The following SAMD4A variants were observed in gnomAD, a reference collection of about 807,000 sequenced individuals.
The protein encoded by SAMD4A is protein Smaug homolog 1.
A neutral mutation model predicts 81.3 loss-of-function variants in SAMD4A; 33 were observed. The ratio of observed to expected loss-of-function variants is 0.41; its 90% CI spans 0.31 to 0.54. SAMD4A has a LOEUF of 0.54. SAMD4A is among the 20% of genes least tolerant of loss of function. SAMD4A has a pLI of 0.37. For missense variants in SAMD4A, 854 were observed against 951.1 expected, an observed-to-expected ratio of 0.90 and a Z score of 1.34; for synonymous variants, 389 against 382.1, an observed-to-expected ratio of 1.02 and a Z score of -0.21.
rs1035980091 is a variant in SAMD4A at position 54,640,745 on chromosome 14, C to T, written c.197-61317C>T. Reference sequence around the variant, plus strand: ...TTGTCACAGCAGCAGGTCCTGCCTCCGAGAATGAGAACATTGCTGATTAGT... The same window carrying T: ...TTGTCACAGCAGCAGGTCCTGCCTCTGAGAATGAGAACATTGCTGATTAGT... On this transcript the variant is annotated intron_variant, in intron 2 of 12. Transcript: ENST00000554335. Among the ~76,000 whole-genome samples the T allele has an allele frequency of 6.6e-5, 10 of 152,118 alleles. No homozygotes were observed. In the East Asian group the frequency reaches 1.9e-3, roughly 29 times the overall value.
chr14:54,785,481 G>A (rs532332652), intron 12 of SAMD4A, among the ~76,000 whole-genome samples: 14 of 152,350 alleles, frequency 9.2e-5, no homozygotes, highest in African/African-American at 2.6e-4. Flanking sequence ...GTGCCACAGA[G>A]ACACAGAGAG....
chr14:54,784,259 G>A (rs1046294232), intron 11 of SAMD4A: 28 of 1,131,320 alleles, frequency 2.5e-5, no homozygotes, highest in Non-Finnish European at 2.9e-5. Flanking sequence ...TTACTTTGAT[G>A]GGAGGCCGCT....
intron 2 of SAMD4A, among the ~76,000 whole-genome samples, chr14:54,611,505 G>A (rs527443025): frequency 1.3e-5 from 2 of 152,286 alleles, no homozygotes; most frequent in East Asian, 1.9e-4. Context: ...CTCCATTGTG[G>A]CCTCTGGAAT....
chr14:54,776,812 C>T (rs1387192365), intron 11 of SAMD4A, among the ~76,000 whole-genome samples: 1 of 151,906 alleles, frequency 6.6e-6, no homozygotes. Context: ...AGAGATAGCA[C>T]AAGAGGGCTT....
Position 54,568,138 on chromosome 14 carries a change from C to G in SAMD4A, c.196+26C>G, listed in dbSNP as rs1415775815. ...GTAAGTGTGCGGCGGCCGCCGCCGC[C>G]GTCCCGCCTGCCCAACCCCCGCTCC... On this transcript the variant is annotated intron_variant, in intron 2 of 12. Coordinates refer to ENST00000554335, the MANE Select transcript of SAMD4A (RefSeq NM_015589.6). 11 of 1,448,904 alleles carry G rather than the reference C, an allele frequency of 7.6e-6. No individual in the cohort carries two copies. In the East Asian group the frequency reaches 8.5e-5, roughly 11 times the overall value. 89.8% of individuals were successfully genotyped at this position (1,448,904 alleles called of 1,614,324 possible).
chr14:54,670,130 TCTGC>T (rs2035848475), intron 2 of SAMD4A, among the ~76,000 whole-genome samples: 1 of 152,184 alleles, frequency 6.6e-6, no homozygotes, highest in African/African-American at 2.4e-5. Flanking sequence ...TAGTTCTCGC[TCTGC>T]CTGTCTGACC....
chr14:54,776,324 G>A (rs1402948907), intron 10 of SAMD4A, 90 bp from the exon 11 acceptor site: 3 of 1,390,892 alleles, frequency 2.2e-6, no homozygotes, highest in Non-Finnish European at 2.9e-6. Context: ...GTTCTCCTGG[G>A]ATCTTTGCCT....
chr14:54,611,286 C>T (rs910857583), intron 2 of SAMD4A, among the ~76,000 whole-genome samples: 4 of 152,064 alleles, frequency 2.6e-5, no homozygotes, highest in Admixed American at 2.0e-4. Flanking sequence ...GAGCATATTC[C>T]CTCTTTCCCC....
intron 2 of SAMD4A, among the ~76,000 whole-genome samples, chr14:54,624,136 G>A (rs1401535426): frequency 6.6e-6 from 1 of 152,128 alleles, no homozygotes; most frequent in Non-Finnish European, 1.5e-5. Flanking sequence ...CACCGCGCCC[G>A]TCTAATTTTT....
At chr14:54,661,200 C>T (rs931933764) in intron 2 of SAMD4A, among the ~76,000 whole-genome samples, 1 of 152,208 alleles carries the variant, frequency 6.6e-6, no homozygotes, top group Non-Finnish European at 1.5e-5. Flanking sequence ...ATTCAAATCT[C>T]ATCTTTTGGT....
chr14:54,652,213 T>C (rs1282658627), intron 2 of SAMD4A, among the ~76,000 whole-genome samples: 1 of 152,266 alleles, frequency 6.6e-6, no homozygotes, highest in Non-Finnish European at 1.5e-5. Flanking sequence ...TGCATTTGTG[T>C]GTTTCCTGGC....
At chr14:54,731,050 T>G (rs1296952799) in intron 3 of SAMD4A, among the ~76,000 whole-genome samples, 1 of 152,228 alleles carries the variant, frequency 6.6e-6, no homozygotes, top group Admixed American at 6.5e-5. Flanking sequence ...TTAGTGGTTC[T>G]TAGATGCTCT....
intron 11 of SAMD4A, among the ~76,000 whole-genome samples, chr14:54,778,170 C>T (rs1379017692): frequency 5.3e-5 from 8 of 152,184 alleles, no homozygotes; most frequent in Non-Finnish European, 1.2e-4. Flanking sequence ...GATTTTTTCC[C>T]TTCCTGCCAC....
At chr14:54,724,007 T>TGGATGGATGGAAGGAAGAAGGAA (rs1555347506) in intron 3 of SAMD4A, among the ~76,000 whole-genome samples, 1 of 124,176 alleles carries the variant, frequency 8.1e-6, no homozygotes, top group Non-Finnish European at 1.7e-5. Flanking sequence ...GATGGATGGA[T>TGGATGGATGGAAGGAAGAAGGAA]GGAAGGAAGG....
intron 2 of SAMD4A, among the ~76,000 whole-genome samples, chr14:54,573,787 AC>A (rs2033204962): frequency 6.6e-6 from 1 of 152,176 alleles, no homozygotes; most frequent in Non-Finnish European, 1.5e-5. Flanking sequence ...AGAAAGCAGA[AC>A]TTTTAGAACA....
chr14:54,724,337 G>A (rs149399021), intron 3 of SAMD4A, among the ~76,000 whole-genome samples: 1 of 152,174 alleles, frequency 6.6e-6, no homozygotes, highest in Admixed American at 6.5e-5. Context: ...CTGCTCAGCT[G>A]TCTGAGCTTT....
chr14:54,611,022 A>G (rs1231958167), intron 2 of SAMD4A, among the ~76,000 whole-genome samples: 1 of 152,234 alleles, frequency 6.6e-6, no homozygotes, highest in African/African-American at 2.4e-5. Context: ...AGCATGTTTA[A>G]TTTGTGCATT....
intron 3 of SAMD4A, among the ~76,000 whole-genome samples, chr14:54,733,370 G>A (rs551990341): frequency 1.2e-3 from 178 of 152,078 alleles, no homozygotes; most frequent in African/African-American, 4.2e-3. Context: ...TTTTATAGAG[G>A]TTTTTAAAAA....
chr14:54,783,787 C>T (rs28648747), intron 11 of SAMD4A, among the ~76,000 whole-genome samples: 6 of 152,136 alleles, frequency 3.9e-5, no homozygotes, highest in South Asian at 2.1e-4. Flanking sequence ...TAAAGCCCCC[C>T]ACGTGGTCTC....
Sources: allele counts gnomAD v4.1 joint callset (sites outside exome capture counted in the v4.1 genomes callset), GRCh38; gene constraint gnomAD v4.1.1; transcripts MANE v1.5; gene names NCBI Gene and HGNC (gene_info 2026-07-23, HGNC 2026-07-21).